ABCA1: variants seen among roughly 807,000 people sequenced by gnomAD.
The protein encoded by ABCA1 is ATP binding cassette subfamily A member 1, also known as phospholipid-transporting ATPase ABCA1.
Under a neutral mutation model 262.5 loss-of-function variants are expected in ABCA1, and 133 were observed. The ratio of observed to expected loss-of-function variants is 0.51; its 90% CI spans 0.44 to 0.59. The LOEUF is 0.59. ABCA1 is among the 20% of genes least tolerant of loss of function. The pLI is 0.00. For synonymous variants in ABCA1, 1,022 were observed against 1,043.5 expected (o/e 0.98, Z 0.40); for missense variants, 2,452 against 2,777.5 (o/e 0.88, Z 2.63).
chr9:104,856,400 T>C (rs2472384), intron 7 of ABCA1, among the ~76,000 whole-genome samples: 58,473 of 151,960 alleles, frequency 0.38, 13,084 homozygotes, highest in African/African-American at 0.63. Flanking sequence ...AGAAAGCACC[T>C]GGTAGTAGCC....
intron 1 of ABCA1, among the ~76,000 whole-genome samples, chr9:104,908,105 A>C (rs1841278558): frequency 6.6e-6 from 1 of 152,252 alleles, no homozygotes; most frequent in South Asian, 2.1e-4. Flanking sequence ...AATTAAAACC[A>C]CAATGAGATA....
chr9:104,796,708 G>C (rs1199660487), intron 37 of ABCA1, among the ~76,000 whole-genome samples: 2 of 152,146 alleles, frequency 1.3e-5, no homozygotes, highest in Non-Finnish European at 2.9e-5. Flanking sequence ...TTCCCAGTCA[G>C]AGTAATTTTA....
intron 43 of ABCA1, 42 bp downstream of exon 43, chr9:104,791,894 G>A (rs1298487449): frequency 6.3e-7 from 1 of 1,593,098 alleles, no homozygotes; most frequent in Admixed American, 1.7e-5. Context: ...GAGATAGTCT[G>A]AACTAATAGG....
Position 104,822,679 on chromosome 9 carries a change from G to C in ABCA1, c.2657-12C>G. 2 of 1,613,908 alleles carry C rather than the reference G, an allele frequency of 1.2e-6. No homozygotes were observed. Among genetic ancestry groups the C allele is most frequent in the South Asian group, 2.2e-5 (2 of 91,068 alleles). ...CTCCTCCATGCAGACTGTGACAGGAGAGAAGACAGAAATGAACCCACAGAA... is the reference window on the plus strand; with the variant it reads ...CTCCTCCATGCAGACTGTGACAGGACAGAAGACAGAAATGAACCCACAGAA... On this transcript the variant is annotated splice_polypyrimidine_tract_variant and intron_variant, in intron 18 of 49. Transcript: ENST00000374736.
In ABCA1 at chr9:104,829,008, C is replaced by T. The variant is rs1479364744; in HGVS notation, c.2023G>A (p.Gly675Ser). ...ARLKETMRIMGLDNSILWFSW... is the reference protein window; with the variant it reads ...ARLKETMRIMSLDNSILWFSW... ...AACCAGAGGATGCTGTTGTCCAGGC[C>T]CATGATCCGCATGGTCTCTTTCAGC... Residue 675 changes from glycine (G) to serine (S), a missense_variant, in exon 15 of 50, where the codon GGC (glycine) becomes AGC (serine). By Grantham distance (56) the Gly-to-Ser change is moderately conservative. This residue lies in a region of ABCA1 where 1,032 missense variants were observed against 1,089.7 expected (regional missense o/e 0.95). Transcript: ENST00000374736. 18 of 1,614,026 alleles carry T rather than the reference C, an allele frequency of 1.1e-5. No individual in the cohort carries two copies. Among genetic ancestry groups the T allele is most frequent in the Non-Finnish European group, 1.4e-5 (17 of 1,180,054 alleles).
Position 104,782,789 on chromosome 9 carries a change from A to T in ABCA1, c.*1526T>A, listed in dbSNP as rs897675964. On this transcript the variant is annotated 3_prime_UTR_variant, in exon 50 of 50. Transcript: ENST00000374736. The stretch of plus-strand genomic sequence containing the variant: ...TCAAGCTAGCTGTTTTCCCTGTTGA[A>T]GAATTCATTGTTTAGACTTGTGACC... 13 of 152,170 alleles carry T rather than the reference A, an allele frequency of 8.5e-5. No individual in the cohort carries two copies. The highest frequency in any genetic ancestry group is 3.1e-4 in the African/African-American group (13 of 41,368). The allele number at this position is 152,170 out of a possible 1,614,324, so 9.4% of individuals were successfully genotyped here. A position where few individuals can be genotyped will look rare whatever the true frequency, so the allele number is the denominator to read the frequency against.
intron 40 of ABCA1, among the ~76,000 whole-genome samples, chr9:104,793,896 C>T (rs992192443): frequency 1.3e-5 from 2 of 151,894 alleles, no homozygotes; most frequent in African/African-American, 2.4e-5. Context: ...ATATGGCTAC[C>T]GGAGAAATAT....
intron 1 of ABCA1, among the ~76,000 whole-genome samples, chr9:104,927,019 C>T (rs183899548): frequency 1.3e-5 from 2 of 152,082 alleles, no homozygotes; most frequent in Non-Finnish European, 2.9e-5. Flanking sequence ...CGAGACCAGC[C>T]TGGCCAACAA....
chr9:104,792,672 T>A, intron 42 of ABCA1, 114 bp downstream of exon 42: 1 of 1,319,400 alleles, frequency 7.6e-7, no homozygotes, highest in Non-Finnish European at 1.1e-6. Context: ...TTGGTATAGA[T>A]GTACATTTTG....
rs1329100886 is a variant in ABCA1, at chr9:104,828,843, C to A, written c.2115+73G>T. The stretch of plus-strand genomic sequence containing the variant: ...ACCAGAGGCTTGGATTTTTTTTCTT[C>A]TTCTCCTCCCTTAGCCCGTGTTGAG... On this transcript the variant is annotated intron_variant, in intron 15 of 49. Coordinates refer to ENST00000374736, the MANE Select transcript of ABCA1 (RefSeq NM_005502.4). The A allele has an allele frequency of 2.7e-6, 4 of 1,479,356 alleles. No homozygotes were observed. In the Admixed American group the frequency reaches 7.5e-5, roughly 28 times the overall value. The allele number at this position is 1,479,356 out of a possible 1,614,324, so 91.6% of individuals were successfully genotyped here. A position where few individuals can be genotyped will look rare whatever the true frequency, so the allele number is the denominator to read the frequency against.
chr9:104,883,731 C>T (rs1838898555), intron 4 of ABCA1, among the ~76,000 whole-genome samples: 1 of 152,216 alleles, frequency 6.6e-6, no homozygotes, highest in Non-Finnish European at 1.5e-5. Flanking sequence ...GCCCTGCGTG[C>T]CGCAGCTGCA....
rs556093145 is a variant in ABCA1, at chr9:104,817,476, G to A, written c.3463-72C>T. The A allele has an allele frequency of 5.3e-6, 8 of 1,520,976 alleles. No homozygotes were observed. The East Asian group carries it at 1.8e-4, about 34-fold the overall frequency. 94.2% of individuals were successfully genotyped at this position (1,520,976 alleles called of 1,614,324 possible). A position where few individuals can be genotyped will look rare whatever the true frequency, so the allele number is the denominator to read the frequency against. The stretch of plus-strand genomic sequence containing the variant: ...CAGAGCCACCAGCACCTTCGCCGGG[G>A]AGGGCTTCCAAGAAGCTCTGTTGTG... On this transcript the variant is annotated intron_variant, in intron 23 of 49. Coordinates refer to ENST00000374736, the MANE Select transcript of ABCA1 (RefSeq NM_005502.4). This position sits in a 1 kb window ranked among gnomAD's most constrained non-coding sequence, Gnocchi z 4.7.
chr9:104,879,804 T>C (rs576086921), intron 5 of ABCA1, among the ~76,000 whole-genome samples: 12 of 152,206 alleles, frequency 7.9e-5, no homozygotes, highest in Non-Finnish European at 1.3e-4. Flanking sequence ...CCCTTCCTCC[T>C]CTGTGCCAGA....
intron 5 of ABCA1, among the ~76,000 whole-genome samples, chr9:104,870,379 C>G (rs4149276): frequency 0.19 from 28,541 of 152,148 alleles, 2,839 homozygotes; most frequent in South Asian, 0.34. Flanking sequence ...GCCAGAGGGT[C>G]GGGTGAGCAG....
Position 104,837,571 on chromosome 9 carries a change from TGAA to T in ABCA1, c.1055-7_1055-5del. ...ATCAAATCATTGCAGTAAGGAGCTA[TGAA>T]GAAGAGGAGAGACAAATGCTCATAT... is the stretch of plus-strand genomic sequence containing the variant. On this transcript the variant is annotated splice_region_variant and splice_polypyrimidine_tract_variant and intron_variant, in intron 9 of 49. Transcript: ENST00000374736. 6.2e-7 allele frequency: 1 copy of T among 1,613,890 alleles called. No individual in the cohort carries two copies.
chr9:104,923,628 G>A (rs1471107611), intron 1 of ABCA1, among the ~76,000 whole-genome samples: 2 of 152,224 alleles, frequency 1.3e-5, no homozygotes, highest in African/African-American at 4.8e-5. Context: ...AAAGAACTCT[G>A]GCTGGGTTCA....
At chr9:104,824,280 A>G (rs1404915812) in intron 18 of ABCA1, among the ~76,000 whole-genome samples, 185 bp downstream of exon 18, 1 of 152,234 alleles carries the variant, frequency 6.6e-6, no homozygotes, top group Non-Finnish European at 1.5e-5. Context: ...TGAACTCCCA[A>G]TAGGTCAACA....
rs1277030968 is a variant in ABCA1 at position 104,802,158 on chromosome 9, A to G, written c.4594T>C (p.Tyr1532His). The G allele has an allele frequency of 1.2e-6, 2 of 1,613,962 alleles. No individual in the cohort carries two copies. Among genetic ancestry groups the G allele is most frequent in the Non-Finnish European group, 1.7e-6 (2 of 1,179,850 alleles). ...CTGACACCCAGGGAAAAGCCGCCAT[A>G]CCTAAAAGAACAGCCTGACATTAAA... The part of the protein sequence containing the change: ...KNKIWVNEFR[Y>H]GGFSLGVSNT... The change falls in exon 34 of 50, where the codon TAT (tyrosine) becomes CAT (histidine). Residue 1532 changes from tyrosine (Y) to histidine (H), a missense_variant and splice_region_variant. Physicochemically the swap from Tyr to His is moderately conservative, Grantham distance 83 (BLOSUM62 2). Coordinates refer to ENST00000374736, the MANE Select transcript of ABCA1 (RefSeq NM_005502.4).
intron 1 of ABCA1, among the ~76,000 whole-genome samples, chr9:104,919,749 T>C (rs1047261964): frequency 8.5e-5 from 13 of 152,232 alleles, no homozygotes; most frequent in East Asian, 1.9e-4. Flanking sequence ...CTGAAACTTA[T>C]TGAATTAAAC....
Sources: gnomAD v4.1 joint callset for allele counts (sites outside exome capture counted in the v4.1 genomes callset) on GRCh38, gnomAD v4.1.1 for gene constraint, gnomAD v4.1.1 regional missense constraint, Gnocchi (gnomAD v3.1) non-coding constraint, MANE v1.5 for transcripts, NCBI Gene and HGNC (gene_info 2026-07-23, HGNC 2026-07-21) for gene names.